Variants in ZNF48 observed in about 807,000 individuals in gnomAD.
ZNF48 encodes the protein zinc finger protein 48.
ZNF48 carries 20 observed loss-of-function variants against 40.0 expected under a neutral mutation model. The observed-to-expected ratio is 0.50, with a 90% CI of 0.35 to 0.73. The LOEUF is 0.73. ZNF48 is among the 30% of genes least tolerant of loss of function. ZNF48 has a pLI of 0.01. For synonymous variants in ZNF48, 298 were observed against 329.7 expected (o/e 0.90, Z 1.04); for missense variants, 726 against 851.9 (o/e 0.85, Z 1.84).
rs771637386 is a variant in ZNF48, at chr16:30,397,324, C to T, written c.80-6C>T. 17 of 1,602,372 alleles carry T rather than the reference C, an allele frequency of 1.1e-5. No homozygotes were observed. The highest frequency in any genetic ancestry group is 1.4e-5 in the Non-Finnish European group (17 of 1,174,868). The stretch of plus-strand genomic sequence containing the variant: ...GAGGGTCTACAACTTCCTTTTCTTT[C>T]CTCAGGTCTAGGGAGTGAGAACGTG... On this transcript the variant is annotated splice_region_variant and splice_polypyrimidine_tract_variant and intron_variant, in intron 2 of 2. Coordinates refer to ENST00000613509, the MANE Select transcript of ZNF48 (RefSeq NM_001214909.2). This position sits in a 1 kb window ranked among gnomAD's most constrained non-coding sequence, Gnocchi z 4.1.
Position 30,397,488 on chromosome 16 carries a change from G to C in ZNF48, c.238G>C (p.Val80Leu). 6.2e-7 allele frequency: 1 copy of C among 1,614,114 alleles called. No homozygotes were observed. Among genetic ancestry groups the C allele is most frequent in the African/African-American group, 1.3e-5 (1 of 75,038 alleles). Residue 80 changes from valine to leucine, a missense_variant, in exon 3 of 3, where the codon GTC (valine) becomes CTC (leucine). Physicochemically the swap from Val to Leu is conservative, Grantham distance 32 (BLOSUM62 1). This residue lies in a region of ZNF48 where 151 missense variants were observed against 162.3 expected (regional missense o/e 0.93). Transcript: ENST00000613509. This position sits in a 1 kb window ranked among gnomAD's most constrained non-coding sequence, Gnocchi z 4.1. ...CATCCAGAACTGGGATGACTTATGG[G>C]TCCAGAGAGAGGGTCTAGGAAAGCC... ...EGIQNWDDLW[V>L]QREGLGKPQP... is the part of the protein sequence containing the mutation.
rs2050003892 is a variant in ZNF48, at chr16:30,397,950, G to A, written c.700G>A (p.Ala234Thr). The change falls in exon 3 of 3, where the codon GCC becomes ACC. Residue 234 changes from alanine (A) to threonine (T), a missense_variant. Ala to Thr is a moderately conservative substitution (Grantham distance 58, BLOSUM62 0). Around this residue, in one of 5 missense-constraint regions of ZNF48, gnomAD observed 378 missense variants for 449.1 expected, o/e 0.84. Transcript: ENST00000613509. The surrounding 1 kb of genome is among the most constrained non-coding windows in gnomAD (Gnocchi z 4.1). ...TGGCAAGGGCTTTGGCGACAGTTCC[G>A]CCCGCATCAAGCACCAGCGGACACA... ...ICGKGFGDSSARIKHQRTHRG... is the reference protein window; with the variant it reads ...ICGKGFGDSSTRIKHQRTHRG... 6.2e-7 allele frequency: 1 copy of A among 1,613,010 alleles called. No individual in the cohort carries two copies. The highest frequency in any genetic ancestry group is 8.5e-7 in the Non-Finnish European group (1 of 1,179,202).
intron 1 of ZNF48, among the ~76,000 whole-genome samples, chr16:30,389,899 C>CGAT (rs1441014886): frequency 4.2e-5 from 5 of 118,078 alleles, no homozygotes; most frequent in Non-Finnish European, 6.5e-5. Flanking sequence ...TGTAGTAGTG[C>CGAT]GATCATAGGT....
chr16:30,395,109 C>T (rs111536084), upstream of ZNF48: 1 of 425,770 alleles, frequency 2.3e-6, no homozygotes, highest in Non-Finnish European at 4.8e-6. The surrounding 1 kb of genome is among the most constrained non-coding windows in gnomAD (Gnocchi z 5.9). Context: ...CTTTGGATCC[C>T]TCTTTCTTTG....
intron 1 of ZNF48, chr16:30,379,443 G>A: frequency 6.2e-7 from 1 of 1,613,584 alleles, no homozygotes; most frequent in Non-Finnish European, 8.5e-7. Context: ...ACCCTCCACG[G>A]TCCCCCAGGA....
intron 1 of ZNF48, among the ~76,000 whole-genome samples, chr16:30,386,622 GA>G (rs1019897938): frequency 3.9e-5 from 6 of 151,974 alleles, no homozygotes; most frequent in Non-Finnish European, 4.4e-5. Context: ...ACCCTACCTC[GA>G]AAAAAATATA....
chr16:30,384,902 C>T (rs1597011771), intron 1 of ZNF48, among the ~76,000 whole-genome samples: 1 of 143,492 alleles, frequency 7.0e-6, no homozygotes, highest in Non-Finnish European at 1.5e-5. Context: ...GTAGGCCAGG[C>T]GCGGTGGCTC....
upstream of ZNF48, among the ~76,000 whole-genome samples, chr16:30,393,115 C>A (rs60628262): frequency 5.5e-3 from 831 of 152,132 alleles, 9 homozygotes; most frequent in African/African-American, 0.019. Flanking sequence ...TCGCTCTTGT[C>A]CCCCAGGCTG....
chr16:30,390,961 G>C (rs1443615176), upstream of ZNF48, among the ~76,000 whole-genome samples: 1 of 151,450 alleles, frequency 6.6e-6, no homozygotes, highest in South Asian at 2.1e-4. Flanking sequence ...GGATGGTCTC[G>C]ATCTCCTGAC....
At chr16:30,380,251 A>G (rs913940125) in intron 1 of ZNF48, 4 of 344,236 alleles carry the variant, frequency 1.2e-5, no homozygotes, top group African/African-American at 6.4e-5. Context: ...GGCAGACATT[A>G]AGAGACCAGG....
intron 1 of ZNF48, chr16:30,380,199 C>G (rs1337157427): frequency 2.1e-6 from 1 of 468,538 alleles, no homozygotes; most frequent in East Asian, 3.8e-5. Context: ...AAAACAAAAT[C>G]TCAGAGACAT....
chr16:30,395,443 G>A lies in ZNF48; in HGVS notation c.-151G>A, dbSNP rs914028278. On this transcript the variant is annotated 5_prime_UTR_variant, in exon 1 of 3. Transcript: ENST00000613509. This position sits in a 1 kb window ranked among gnomAD's most constrained non-coding sequence, Gnocchi z 5.9. ...GTCCCCGCCCCCGGTGGCCGCCCCC[G>A]GGACGCCTGGGTCCGAGCCCGCTCC... The A allele has an allele frequency of 9.0e-5, 32 of 354,372 alleles. No individual in the cohort carries two copies. Among genetic ancestry groups the A allele is most frequent in the East Asian group, 1.4e-4 (1 of 6,914 alleles). 22.0% of individuals were successfully genotyped at this position (354,372 alleles called of 1,614,324 possible).
At chr16:30,387,844 T>C (rs1157838188) in intron 1 of ZNF48, among the ~76,000 whole-genome samples, 1 of 151,954 alleles carries the variant, frequency 6.6e-6, no homozygotes, top group East Asian at 1.9e-4. Context: ...ATAACCCAAT[T>C]TTAGTATTTA....
rs1362714155 is a variant in ZNF48, at chr16:30,387,208, G to C, written c.-15-8572G>C. Reference sequence around the variant, plus strand: ...TCCGCCCGCCTTGGCCTCCCAAAGTGCTGGGATTACAGGCGTGAGCCACCG... The same window carrying C: ...TCCGCCCGCCTTGGCCTCCCAAAGTCCTGGGATTACAGGCGTGAGCCACCG... On this transcript the variant is annotated intron_variant, in intron 1 of 2. Coordinates refer to the ZNF48 transcript ENST00000528032. Among the ~76,000 whole-genome samples the C allele has an allele frequency of 1.1e-4, 16 of 148,182 alleles. No homozygotes were observed. In the East Asian group the frequency reaches 3.2e-3, roughly 30 times the overall value.
At chr16:30,391,092 C>G (rs1220630657), upstream of ZNF48, among the ~76,000 whole-genome samples, 2 of 152,082 alleles carry the variant, frequency 1.3e-5, no homozygotes. Flanking sequence ...TATGTAAACT[C>G]ACGGCACATT....
chr16:30,379,980 A>G (rs1422490524), intron 1 of ZNF48: 2 of 1,609,970 alleles, frequency 1.2e-6, no homozygotes, highest in Non-Finnish European at 1.7e-6. Flanking sequence ...CATCAGAGTC[A>G]CATTCGGGGA....
At chr16:30,394,213 A>G (rs1015786940), upstream of ZNF48, among the ~76,000 whole-genome samples, 2 of 152,128 alleles carry the variant, frequency 1.3e-5, no homozygotes, top group African/African-American at 2.4e-5. Context: ...TGATTTGTGT[A>G]CTTGCTCCTT....
intron 1 of ZNF48, chr16:30,380,062 T>A: frequency 6.3e-7 from 1 of 1,577,278 alleles, no homozygotes; most frequent in Non-Finnish European, 8.6e-7. Flanking sequence ...AGAGACAGTG[T>A]GAAACGGGCC....
At chr16:30,378,990 C>T (rs1486609958) in intron 1 of ZNF48, 2 of 1,604,770 alleles carry the variant, frequency 1.2e-6, no homozygotes, top group Non-Finnish European at 1.7e-6. Context: ...ACCTTGGAGG[C>T]TCTGATACTG....
Sources: gnomAD v4.1 joint callset for allele counts (sites outside exome capture counted in the v4.1 genomes callset) on GRCh38, gnomAD v4.1.1 for gene constraint, gnomAD v4.1.1 regional missense constraint, Gnocchi (gnomAD v3.1) non-coding constraint, MANE v1.5 for transcripts, NCBI Gene and HGNC (gene_info 2026-07-23, HGNC 2026-07-21) for gene names.